IRF8: variants seen among roughly 807,000 people sequenced by gnomAD.
The protein encoded by IRF8 is interferon regulatory factor 8.
In IRF8, 14 loss-of-function variants were observed where a neutral mutation model predicts 48.7. The ratio of observed to expected loss-of-function variants is 0.29; its 90% CI spans 0.19 to 0.45. The LOEUF is 0.45. Ranked by LOEUF, IRF8 falls within the 20% of genes least tolerant of loss-of-function variation. IRF8 has a pLI of 1.00. For synonymous variants in IRF8, 278 were observed against 227.3 expected (o/e 1.22, Z -2.01); for missense variants, 493 against 580.7 (o/e 0.85, Z 1.55).
intron 7 of IRF8, among the ~76,000 whole-genome samples, chr16:85,919,126 G>T (rs1470786794): frequency 6.6e-6 from 1 of 152,246 alleles, no homozygotes; most frequent in East Asian, 1.9e-4. Context: ...GTCCCTGAGC[G>T]CTGGCTAGAG....
At chr16:85,899,641 T>C (rs1354919963) in intron 1 of IRF8, among the ~76,000 whole-genome samples, 1 of 152,182 alleles carries the variant, frequency 6.6e-6, no homozygotes, top group Non-Finnish European at 1.5e-5. Flanking sequence ...TAACCAGTCG[T>C]TACTGAGGGT....
intron 2 of IRF8, among the ~76,000 whole-genome samples, chr16:85,907,771 G>A (rs192182651): frequency 5.9e-5 from 9 of 152,360 alleles, no homozygotes; most frequent in Admixed American, 2.0e-4. Flanking sequence ...ATCTTGAGGG[G>A]CAAGGCCCAG....
At chr16:85,900,873 T>C (rs1904805205) in intron 1 of IRF8, 1 of 152,182 alleles carries the variant, frequency 6.6e-6, no homozygotes, top group East Asian at 1.9e-4. Context: ...AAGAAAGTGT[T>C]GACCCTCTTT....
chr16:85,915,804 G>A (rs1192869030), intron 6 of IRF8, among the ~76,000 whole-genome samples: 1 of 152,184 alleles, frequency 6.6e-6, no homozygotes, highest in Non-Finnish European at 1.5e-5. Context: ...ATCTCGGTGA[G>A]ATGCAGAGGC....
intron 6 of IRF8, among the ~76,000 whole-genome samples, chr16:85,915,113 C>CTTAGGAGCCCTGG: frequency 1.1e-5 from 1 of 95,080 alleles, no homozygotes; most frequent in Middle Eastern, 7.1e-3. Flanking sequence ...ATTTCGCGGG[C>CTTAGGAGCCCTGG]TCAGGTAGCT....
Position 85,921,615 on chromosome 16 carries a change from A to T in IRF8, c.*333A>T, listed in dbSNP as rs1431549886. Reference sequence around the variant, plus strand: ...CATTTCCAAAGACTTGTCATTCAGTAATATTAGCAGATAGCTGCTTCGATA... The same window carrying T: ...CATTTCCAAAGACTTGTCATTCAGTTATATTAGCAGATAGCTGCTTCGATA... On this transcript the variant is annotated 3_prime_UTR_variant, in exon 9 of 9. Transcript: ENST00000268638. 2.8e-6 allele frequency: 1 copy of T among 357,504 alleles called. No individual in the cohort carries two copies. The highest frequency in any genetic ancestry group is 2.1e-5 in the African/African-American group (1 of 47,626). 22.1% of individuals were successfully genotyped at this position (357,504 alleles called of 1,614,324 possible). A position where few individuals can be genotyped will look rare whatever the true frequency, so the allele number is the denominator to read the frequency against.
rs535845826 is a variant in IRF8, at chr16:85,918,712, C to T, written c.897C>T (p.Cys299=). The T allele has an allele frequency of 1.9e-6, 3 of 1,612,562 alleles. No homozygotes were observed. The East Asian group carries it at 6.7e-5, about 36-fold the overall frequency. The change falls in exon 7 of 9, where the codon TGC becomes TGT. Residue 299 remains cysteine (C), a synonymous_variant. Transcript: ENST00000268638. ...VKRLCQGRVF[C]SGNAVVCKGR... ...GGCTGTGCCAGGGCCGCGTGTTCTG[C>T]AGCGGCAACGCCGTGGTGTGCAAAG...
intron 2 of IRF8, among the ~76,000 whole-genome samples, chr16:85,906,053 G>T (rs1056318196): frequency 1.3e-5 from 2 of 152,116 alleles, no homozygotes; most frequent in Non-Finnish European, 2.9e-5. Flanking sequence ...TTGACATGAC[G>T]ACAAGGGGGG....
Position 85,914,457 on chromosome 16 carries a change from T to G in IRF8, c.554-16T>G, listed in dbSNP as rs775380262. 20 of 1,614,044 alleles carry G rather than the reference T, an allele frequency of 1.2e-5. No individual in the cohort carries two copies. The highest frequency in any genetic ancestry group is 5.0e-5 in the Admixed American group (3 of 60,010). On this transcript the variant is annotated splice_polypyrimidine_tract_variant and intron_variant, in intron 5 of 8. Coordinates refer to ENST00000268638, the MANE Select transcript of IRF8 (RefSeq NM_002163.4). The stretch of plus-strand genomic sequence containing the variant: ...ACCTGGGTGGCTCTGAGCTTGCTTT[T>G]CTGTTTCTCCTGCAGGCGTGCCGCT...
intron 6 of IRF8, 180 bp from the exon 7 acceptor site, chr16:85,918,233 GTATT>G (rs1429157892): frequency 4.7e-6 from 3 of 637,146 alleles, no homozygotes; most frequent in Non-Finnish European, 5.3e-6. Context: ...GTCATTCTGT[GTATT>G]TATTCATGCA....
intron 1 of IRF8, 85 bp downstream of exon 1, chr16:85,899,308 G>A (rs1904744535): frequency 6.6e-6 from 1 of 152,348 alleles, no homozygotes; most frequent in African/African-American, 2.4e-5. Flanking sequence ...GCGTGGGGGT[G>A]GAACTACCTA....
At chr16:85,903,253 G>A (rs1320296200) in intron 2 of IRF8, 64 bp downstream of exon 2, 7 of 1,409,832 alleles carry the variant, frequency 5.0e-6, no homozygotes, top group Non-Finnish European at 6.9e-6. Context: ...TGGACTAGTG[G>A]AGATGTTGAG....
rs1231886103 is a variant in IRF8 at position 85,913,123 on chromosome 16, C to A, written c.448-8C>A. 6.2e-7 allele frequency: 1 copy of A among 1,609,688 alleles called. No homozygotes were observed. Among genetic ancestry groups the A allele is most frequent in the African/African-American group, 1.3e-5 (1 of 74,976 alleles). On this transcript the variant is annotated splice_region_variant and splice_polypyrimidine_tract_variant and intron_variant, in intron 4 of 8. Transcript: ENST00000268638. ...AGCTGCCCTCCTCTCCCTCCCCTGACTGTGCAGCCTTCTGTGGACGATTAC... is the reference window on the plus strand; with the variant it reads ...AGCTGCCCTCCTCTCCCTCCCCTGAATGTGCAGCCTTCTGTGGACGATTAC...
At chr16:85,904,994 T>A (rs758847729) in intron 2 of IRF8, among the ~76,000 whole-genome samples, 3 of 152,062 alleles carry the variant, frequency 2.0e-5, no homozygotes, top group Non-Finnish European at 4.4e-5. Context: ...AATTCTTTGT[T>A]GTAAGGGTTC....
chr16:85,916,430 C>A (rs190869642), intron 6 of IRF8, among the ~76,000 whole-genome samples: 1 of 152,288 alleles, frequency 6.6e-6, no homozygotes, highest in African/African-American at 2.4e-5. Flanking sequence ...AGGGCTGGGT[C>A]GCAGCAGGCC....
At chr16:85,914,988 A>T (rs1905256717) in intron 6 of IRF8, among the ~76,000 whole-genome samples, 1 of 151,826 alleles carries the variant, frequency 6.6e-6, no homozygotes, top group East Asian at 2.0e-4. Context: ...GGGACAGGCC[A>T]GCGTCTGTCC....
chr16:85,919,008 A>G (rs1905435909), intron 7 of IRF8, among the ~76,000 whole-genome samples: 2 of 152,254 alleles, frequency 1.3e-5, no homozygotes, highest in Non-Finnish European at 2.9e-5. Flanking sequence ...CTGTGCCTCA[A>G]CTTCCCCATG....
At chr16:85,921,003 C>A (rs532183199) in intron 8 of IRF8, 103 bp from the exon 9 acceptor site, 1 of 1,149,982 alleles carries the variant, frequency 8.7e-7, no homozygotes, top group Non-Finnish European at 1.3e-6. Flanking sequence ...TTGGGACTCA[C>A]GTGGCACTGG....
intron 3 of IRF8, chr16:85,909,550 G>A: frequency 6.9e-6 from 2 of 289,316 alleles, no homozygotes; most frequent in South Asian, 3.6e-5. Flanking sequence ...AGGGTTGGGA[G>A]TAAAGCTCTC....
Sources: allele counts gnomAD v4.1 joint callset (sites outside exome capture counted in the v4.1 genomes callset), GRCh38; gene constraint gnomAD v4.1.1; transcripts MANE v1.5; gene names NCBI Gene and HGNC (gene_info 2026-07-23, HGNC 2026-07-21).